ZBTB20: variants seen among roughly 807,000 people sequenced by gnomAD.
The protein encoded by ZBTB20 is zinc finger and BTB domain containing 20.
In ZBTB20, 9 loss-of-function variants were observed where a neutral mutation model predicts 56.9. The ratio of observed to expected loss-of-function variants is 0.16; its 90% CI spans 0.10 to 0.28. The LOEUF is 0.28. Among genes scored for constraint, ZBTB20 ranks in the 10% least tolerant of loss-of-function variants. The pLI, the probability that ZBTB20 is intolerant of heterozygous loss-of-function variation, is 1.00. For synonymous variants in ZBTB20, 417 were observed against 420.7 expected (o/e 0.99, Z 0.11); for missense variants, 655 against 1,003.0 (o/e 0.65, Z 4.69).
intron 1 of ZBTB20, among the ~76,000 whole-genome samples, chr3:115,119,049 A>G (rs568085302): frequency 6.6e-5 from 10 of 152,186 alleles, no homozygotes; most frequent in Non-Finnish European, 1.2e-4. Context: ...AATGTCTAAA[A>G]TACTGGGTGG....
intron 6 of ZBTB20, among the ~76,000 whole-genome samples, chr3:114,563,439 G>C (rs1466585352): frequency 2.6e-5 from 4 of 152,076 alleles, no homozygotes; most frequent in African/African-American, 9.7e-5. Flanking sequence ...TCCTCATGAA[G>C]TACTTAGAAT....
intron 5 of ZBTB20, among the ~76,000 whole-genome samples, chr3:114,733,058 T>C (rs2065874283): frequency 6.6e-6 from 1 of 152,132 alleles, no homozygotes; most frequent in Non-Finnish European, 1.5e-5. Context: ...AGGTAAATGG[T>C]CTACCAGACA....
intron 3 of ZBTB20, among the ~76,000 whole-genome samples, chr3:114,932,201 G>A (rs2076384860): frequency 6.6e-6 from 1 of 152,198 alleles, no homozygotes; most frequent in African/African-American, 2.4e-5. Context: ...GTAGGGTTAT[G>A]GATCACCTGT....
At chr3:115,146,973 G>GC (rs1237079451) in intron 1 of ZBTB20, among the ~76,000 whole-genome samples, 1 of 150,300 alleles carries the variant, frequency 6.7e-6, no homozygotes, top group African/African-American at 2.4e-5. Flanking sequence ...TAAGAAGGGC[G>GC]CCGGGGGAGG....
chr3:114,541,674 T>C (rs1453206157), intron 6 of ZBTB20, among the ~76,000 whole-genome samples: 2 of 152,170 alleles, frequency 1.3e-5, no homozygotes, highest in South Asian at 4.1e-4. Context: ...ACAGACCTTT[T>C]CTTCAACATA....
At chr3:114,417,976 A>G (rs1275748393) in intron 7 of ZBTB20, among the ~76,000 whole-genome samples, 2 of 152,086 alleles carry the variant, frequency 1.3e-5, no homozygotes, top group Admixed American at 6.6e-5. Context: ...GATAGAAAAT[A>G]GACAATGCAA....
At chr3:114,797,765 A>G (rs2071424945) in intron 5 of ZBTB20, among the ~76,000 whole-genome samples, 1 of 151,872 alleles carries the variant, frequency 6.6e-6, no homozygotes, top group Non-Finnish European at 1.5e-5. Context: ...CTATATGCCA[A>G]AGCTTCCATG....
At chr3:114,404,162 T>G (rs1559744561) in intron 7 of ZBTB20, among the ~76,000 whole-genome samples, 1 of 152,200 alleles carries the variant, frequency 6.6e-6, no homozygotes, top group Non-Finnish European at 1.5e-5. Flanking sequence ...GGACAAATCA[T>G]AGGGGAATAA....
At chr3:114,410,949 C>T (rs141531442) in intron 7 of ZBTB20, among the ~76,000 whole-genome samples, 21 of 152,102 alleles carry the variant, frequency 1.4e-4, no homozygotes, top group Non-Finnish European at 2.9e-4. Flanking sequence ...AAGAAATAAA[C>T]TAGGGAGTCA....
chr3:115,077,819 T>C (rs2082650352), intron 1 of ZBTB20, among the ~76,000 whole-genome samples: 1 of 152,140 alleles, frequency 6.6e-6, no homozygotes. Context: ...TGGAAGATAG[T>C]CTGAAGTTTC....
chr3:115,098,653 A>G (rs1413653177), intron 1 of ZBTB20, among the ~76,000 whole-genome samples: 1 of 152,168 alleles, frequency 6.6e-6, no homozygotes, highest in African/African-American at 2.4e-5. Context: ...TTTTTAAAAG[A>G]AGAGGTAAAA....
At chr3:114,901,469 G>T (rs1412667438) in intron 3 of ZBTB20, among the ~76,000 whole-genome samples, 4 of 152,090 alleles carry the variant, frequency 2.6e-5, no homozygotes, top group African/African-American at 9.6e-5. Context: ...GATTACAAAA[G>T]ACTTTCTAGA....
chr3:115,105,964 C>A (rs150680844), intron 1 of ZBTB20, among the ~76,000 whole-genome samples: 2 of 151,812 alleles, frequency 1.3e-5, no homozygotes, highest in Non-Finnish European at 2.9e-5. Flanking sequence ...ATTACAGGCG[C>A]GTGCCACCAT....
At chr3:115,036,212 G>A (rs2080912238) in intron 2 of ZBTB20, among the ~76,000 whole-genome samples, 1 of 151,548 alleles carries the variant, frequency 6.6e-6, no homozygotes, top group African/African-American at 2.4e-5. Flanking sequence ...AGTTAAAATT[G>A]AATAAGGTGG....
chr3:114,429,916 G>A (rs778275325), intron 7 of ZBTB20, among the ~76,000 whole-genome samples: 3 of 152,090 alleles, frequency 2.0e-5, no homozygotes, highest in African/African-American at 4.8e-5. Flanking sequence ...TGTTGATTTC[G>A]GTATCTGTGT....
intron 2 of ZBTB20, among the ~76,000 whole-genome samples, chr3:115,048,265 A>C (rs1267463327): frequency 1.3e-5 from 2 of 152,144 alleles, no homozygotes; most frequent in Non-Finnish European, 2.9e-5. Context: ...AATTTTCTAA[A>C]TTAAATCCTA....
intron 6 of ZBTB20, among the ~76,000 whole-genome samples, chr3:114,574,469 T>C (rs1428399014): frequency 1.3e-5 from 2 of 152,248 alleles, no homozygotes; most frequent in South Asian, 2.1e-4. Flanking sequence ...TTTTCATAAA[T>C]CATGACTTTG....
At chr3:114,878,231 C>T (rs151291877) in intron 4 of ZBTB20, among the ~76,000 whole-genome samples, 32 of 152,160 alleles carry the variant, frequency 2.1e-4, no homozygotes, top group African/African-American at 7.0e-4. Flanking sequence ...GATTCCACTG[C>T]GATAAAGCTC....
intron 7 of ZBTB20, among the ~76,000 whole-genome samples, chr3:114,412,062 C>A (rs1376809118): frequency 1.3e-5 from 2 of 152,242 alleles, no homozygotes; most frequent in East Asian, 3.9e-4. Context: ...AAGTATAATG[C>A]AGTACATTCA....
Sources: gnomAD v4.1 joint callset for allele counts (sites outside exome capture counted in the v4.1 genomes callset) on GRCh38, gnomAD v4.1.1 for gene constraint, MANE v1.5 for transcripts, NCBI Gene and HGNC (gene_info 2026-07-23, HGNC 2026-07-21) for gene names.